BRINP3: variants seen among roughly 807,000 people sequenced by gnomAD.
BRINP3 encodes BMP/retinoic acid-inducible neural-specific protein 3.
In BRINP3, 19 loss-of-function variants were observed where a neutral mutation model predicts 71.0. The ratio of observed to expected loss-of-function variants is 0.27; its 90% CI spans 0.19 to 0.39. The LOEUF (loss-of-function observed/expected upper bound fraction) is 0.39. Ranked by LOEUF, BRINP3 falls within the 10% of genes least tolerant of loss-of-function variation. The pLI is 1.00. For missense variants in BRINP3, 959 were observed against 940.8 expected, an observed-to-expected ratio of 1.02 and a Z score of -0.25; for synonymous variants, 380 against 337.7, an observed-to-expected ratio of 1.13 and a Z score of -1.37.
intron 6 of BRINP3, among the ~76,000 whole-genome samples, chr1:190,199,644 CA>C (rs1654809096): frequency 6.6e-6 from 1 of 151,536 alleles, no homozygotes; most frequent in Admixed American, 6.6e-5. Flanking sequence ...CTGATGATGC[CA>C]AAAGCCATCT....
intron 2 of BRINP3, among the ~76,000 whole-genome samples, chr1:190,375,135 G>A (rs1469704201): frequency 6.6e-6 from 1 of 151,832 alleles, no homozygotes; most frequent in African/African-American, 2.4e-5. Context: ...TAGTAATTTG[G>A]GAAAATACAA....
chr1:190,336,938 A>G (rs1417781815), intron 2 of BRINP3, among the ~76,000 whole-genome samples: 3 of 151,220 alleles, frequency 2.0e-5, no homozygotes, highest in African/African-American at 7.3e-5. Flanking sequence ...CACCAAGAAT[A>G]CTAATGAATA....
chr1:190,308,370 T>C (rs1001256627), intron 2 of BRINP3, among the ~76,000 whole-genome samples: 1 of 151,818 alleles, frequency 6.6e-6, no homozygotes, highest in Non-Finnish European at 1.5e-5. Flanking sequence ...TTGTTGTTCT[T>C]GCGACAGTTT....
chr1:190,138,467 G>A (rs1220280831), intron 7 of BRINP3, among the ~76,000 whole-genome samples: 3 of 152,146 alleles, frequency 2.0e-5, no homozygotes, highest in African/African-American at 7.2e-5. Flanking sequence ...ATATCAGAAA[G>A]CAGGTATGAG....
chr1:190,287,796 G>C (rs1050380702), intron 2 of BRINP3, among the ~76,000 whole-genome samples: 1 of 152,066 alleles, frequency 6.6e-6, no homozygotes, highest in Non-Finnish European at 1.5e-5. Flanking sequence ...AATTTTTAAA[G>C]GATGGTCTGG....
At chr1:190,180,099 T>A (rs1652897448) in intron 6 of BRINP3, among the ~76,000 whole-genome samples, 1 of 152,178 alleles carries the variant, frequency 6.6e-6, no homozygotes, top group Non-Finnish European at 1.5e-5. Flanking sequence ...TAACCCAACA[T>A]GCCTTTGACC....
intron 2 of BRINP3, among the ~76,000 whole-genome samples, chr1:190,343,242 G>T (rs974806874): frequency 6.6e-6 from 1 of 151,804 alleles, no homozygotes; most frequent in Non-Finnish European, 1.5e-5. Context: ...AATGAGTTAG[G>T]TTTGAAGAGG....
At chr1:190,364,300 A>C (rs1043368279) in intron 2 of BRINP3, among the ~76,000 whole-genome samples, 1 of 152,096 alleles carries the variant, frequency 6.6e-6, no homozygotes. Flanking sequence ...CTGTATCAGG[A>C]ATCTACCCTT....
At chr1:190,431,753 T>A (rs1276783743) in intron 2 of BRINP3, among the ~76,000 whole-genome samples, 1 of 152,148 alleles carries the variant, frequency 6.6e-6, no homozygotes, top group African/African-American at 2.4e-5. Context: ...ACACACATGC[T>A]CAGAAACCGT....
intron 2 of BRINP3, among the ~76,000 whole-genome samples, chr1:190,453,350 A>G (rs1225053486): frequency 6.6e-6 from 1 of 150,678 alleles, no homozygotes; most frequent in African/African-American, 2.4e-5. Context: ...CCTCCCCAGT[A>G]GCTGGGACTA....
intron 7 of BRINP3, among the ~76,000 whole-genome samples, chr1:190,160,269 C>T (rs2102456982): frequency 6.6e-6 from 1 of 152,022 alleles, no homozygotes; most frequent in East Asian, 1.9e-4. Context: ...GAAAATACAT[C>T]TTGAATTATT....
chr1:190,102,786 C>A (rs544020294), intron 7 of BRINP3, among the ~76,000 whole-genome samples: 2 of 152,038 alleles, frequency 1.3e-5, no homozygotes, highest in Admixed American at 6.5e-5. Flanking sequence ...TATAGAGAAT[C>A]TTTATCTATA....
chr1:190,459,635 T>A (rs182945531), intron 1 of BRINP3, among the ~76,000 whole-genome samples: 140 of 152,172 alleles, frequency 9.2e-4, no homozygotes, highest in African/African-American at 3.3e-3. Context: ...TGATAATTAT[T>A]ACTATTTGTT....
At chr1:190,439,155 G>A (rs1674655182) in intron 2 of BRINP3, among the ~76,000 whole-genome samples, 1 of 151,700 alleles carries the variant, frequency 6.6e-6, no homozygotes, top group African/African-American at 2.4e-5. Flanking sequence ...ATACAATGCA[G>A]GTCAACAGAC....
At chr1:190,356,182 A>G (rs942512294) in intron 2 of BRINP3, among the ~76,000 whole-genome samples, 2 of 152,044 alleles carry the variant, frequency 1.3e-5, no homozygotes, top group African/African-American at 4.8e-5. Context: ...TATGAGGAGT[A>G]CACATTATGA....
At chr1:190,174,480 GAT>G (rs557782824) in intron 6 of BRINP3, among the ~76,000 whole-genome samples, 1 of 151,744 alleles carries the variant, frequency 6.6e-6, no homozygotes. Context: ...ACATAAATAT[GAT>G]ATATATATGA....
intron 7 of BRINP3, among the ~76,000 whole-genome samples, chr1:190,159,843 A>G (rs1657191848): frequency 6.6e-6 from 1 of 151,996 alleles, no homozygotes; most frequent in African/African-American, 2.4e-5. Flanking sequence ...AAACAATCCA[A>G]TGTTTTCTTT....
At chr1:190,309,846 CTAGTTATAAAAATAA>C (rs1665391994) in intron 2 of BRINP3, among the ~76,000 whole-genome samples, 1 of 151,632 alleles carries the variant, frequency 6.6e-6, no homozygotes, top group Non-Finnish European at 1.5e-5. Flanking sequence ...TTGGTTAATT[CTAGTTATAAAAATAA>C]CATTTAAATC....
At position 190,309,878 on chromosome 1, in the gene BRINP3, A is replaced by C. The variant is rs894112556; in HGVS notation, c.237-28128T>G. ...TAAAAATAACATTTAAATCTCAAAG[A>C]TTCAGAATGAAATCCCTAAAATTAA... On this transcript the variant is annotated intron_variant, in intron 2 of 7. Transcript: ENST00000367462. Among the ~76,000 whole-genome samples the C allele has an allele frequency of 5.5e-4, 83 of 151,766 alleles. 1 individual carries two copies. Among genetic ancestry groups the C allele is most frequent in the African/African-American group, 1.9e-3 (80 of 41,404 alleles).
Sources: gnomAD v4.1 joint callset for allele counts (sites outside exome capture counted in the v4.1 genomes callset) on GRCh38, gnomAD v4.1.1 for gene constraint, MANE v1.5 for transcripts, NCBI Gene and HGNC (gene_info 2026-07-23, HGNC 2026-07-21) for gene names.